Variants in CBX1 observed in about 807,000 individuals in gnomAD.
CBX1 encodes chromobox protein homolog 1.
CBX1 carries 10 observed loss-of-function variants against 25.1 expected under a neutral mutation model. The observed-to-expected ratio is 0.40, with a 90% CI of 0.25 to 0.68. The LOEUF (loss-of-function observed/expected upper bound fraction) is 0.68, where lower values mean the gene tolerates loss of function less well. CBX1 is among the 30% of genes least tolerant of loss of function. CBX1 has a pLI of 0.40. For synonymous variants in CBX1, 63 were observed against 79.4 expected, an observed-to-expected ratio of 0.79 and a Z score of 1.10; for missense variants, 106 against 218.5, an observed-to-expected ratio of 0.49 and a Z score of 3.25.
intron 1 of CBX1, 122 bp from the exon 2 acceptor site, chr17:48,077,163 T>C (rs1408067761): frequency 2.8e-6 from 2 of 707,788 alleles, no homozygotes; most frequent in African/African-American, 1.8e-5. Context: ...TTATAGTAAG[T>C]GTTAGGCTTC....
At position 48,098,835 on chromosome 17, in the gene CBX1, A is replaced by T. The variant is rs540548279; in HGVS notation, c.-38+2433T>A. On this transcript the variant is annotated intron_variant, in intron 1 of 4. Coordinates refer to ENST00000225603, the MANE Select transcript of CBX1 (RefSeq NM_001127228.2). ...ACCACTGCAGATAGGATTTTTTTTT[A>T]AAAAAGGGAGGTTTTGCTAGATAAA... 3.5e-3 allele frequency among the ~76,000 whole-genome samples: 530 copies of T among 152,156 alleles called. 6 individuals are homozygous for T. The highest frequency in any genetic ancestry group is 0.012 in the African/African-American group (488 of 41,534).
At chr17:48,093,683 T>A (rs956250130) in intron 1 of CBX1, among the ~76,000 whole-genome samples, 2 of 152,236 alleles carry the variant, frequency 1.3e-5, no homozygotes, top group Non-Finnish European at 2.9e-5. Context: ...GTAACACTTA[T>A]ATTCTTCGGT....
rs555176585 is a variant in CBX1, at chr17:48,090,820, A to G, written c.-38+10448T>C. Among the ~76,000 whole-genome samples the G allele has an allele frequency of 1.3e-4, 20 of 152,354 alleles. 1 individual carries two copies. The highest frequency in any genetic ancestry group is 4.6e-4 in the African/African-American group (19 of 41,588). On this transcript the variant is annotated intron_variant, in intron 1 of 4. Transcript: ENST00000225603. ...ACATGCTCCTATTGTATTCATTCAC[A>G]TAACAATTATCTACTGGGCACCTAT... is the stretch of plus-strand genomic sequence containing the variant.
intron 1 of CBX1, among the ~76,000 whole-genome samples, chr17:48,090,144 T>A (rs963788731): frequency 2.0e-5 from 3 of 151,922 alleles, no homozygotes; most frequent in African/African-American, 7.2e-5. Context: ...CCTCATGATC[T>A]GCCCACCTCA....
chr17:48,089,990 G>A (rs199714347), intron 1 of CBX1, among the ~76,000 whole-genome samples: 4 of 150,548 alleles, frequency 2.7e-5, no homozygotes, highest in Non-Finnish European at 4.4e-5. Flanking sequence ...GCATGATCTC[G>A]GCTCACTGCA....
At chr17:48,090,600 T>C (rs1423925422) in intron 1 of CBX1, among the ~76,000 whole-genome samples, 2 of 152,222 alleles carry the variant, frequency 1.3e-5, no homozygotes, top group Non-Finnish European at 2.9e-5. Context: ...CACTAGCCAG[T>C]GATTTCAAAA....
rs992755281 is a variant in CBX1, at chr17:48,097,417, C to T, written c.-38+3851G>A. ...ATCACCCGAGGTCAGGAGTTCAACA[C>T]CAGCCTGGCCAACATGGCAAGACCC... On this transcript the variant is annotated intron_variant, in intron 1 of 4. Coordinates refer to ENST00000225603, the MANE Select transcript of CBX1 (RefSeq NM_001127228.2). Among the ~76,000 whole-genome samples, 20 of 152,090 alleles carry T rather than the reference C, an allele frequency of 1.3e-4. 1 individual carries two copies. The highest frequency in any genetic ancestry group is 4.6e-4 in the African/African-American group (19 of 41,488).
intron 1 of CBX1, among the ~76,000 whole-genome samples, chr17:48,085,792 G>A (rs769099661): frequency 1.1e-4 from 16 of 152,140 alleles, no homozygotes; most frequent in East Asian, 1.9e-4. Flanking sequence ...CAGGCCAGGC[G>A]CGGTGGCTCA....
intron 1 of CBX1, among the ~76,000 whole-genome samples, chr17:48,098,260 A>C (rs200615631): frequency 3.3e-5 from 5 of 150,610 alleles, no homozygotes; most frequent in East Asian, 2.0e-4. Flanking sequence ...AAAAAAACAA[A>C]AAACAAACAA....
At chr17:48,077,518 G>C (rs1273572514) in intron 1 of CBX1, among the ~76,000 whole-genome samples, 2 of 144,288 alleles carry the variant, frequency 1.4e-5, no homozygotes, top group African/African-American at 5.3e-5. Flanking sequence ...TCGAACTCCT[G>C]ACCTCAGGTG....
chr17:48,078,220 G>A (rs2037696431), intron 1 of CBX1, among the ~76,000 whole-genome samples: 1 of 150,778 alleles, frequency 6.6e-6, no homozygotes, highest in Non-Finnish European at 1.5e-5. Flanking sequence ...TTGAGATGGA[G>A]TCTTGCTCTG....
intron 1 of CBX1, chr17:48,100,659 C>G (rs2063403818): frequency 1.1e-6 from 1 of 900,922 alleles, no homozygotes; most frequent in Non-Finnish European, 1.3e-6. Flanking sequence ...AACAGCTCCT[C>G]CCCTTCCAGA....
intron 1 of CBX1, among the ~76,000 whole-genome samples, chr17:48,087,606 G>T (rs2063319849): frequency 6.6e-6 from 1 of 152,014 alleles, no homozygotes; most frequent in Admixed American, 6.6e-5. Context: ...GGGCGCAGTG[G>T]CTCATGCCTG....
intron 1 of CBX1, among the ~76,000 whole-genome samples, chr17:48,084,879 C>T (rs963656308): frequency 6.0e-5 from 9 of 151,134 alleles, no homozygotes; most frequent in African/African-American, 2.2e-4. Flanking sequence ...CACTGCACTC[C>T]AGCCTGGGCG....
At chr17:48,077,430 GTT>G (rs2037685356) in intron 1 of CBX1, among the ~76,000 whole-genome samples, 1 of 56,456 alleles carries the variant, frequency 1.8e-5, no homozygotes, top group African/African-American at 1.0e-4. Flanking sequence ...GCTAATTTTT[GTT>G]GTTTTTTTTT....
chr17:48,091,750 CCAGGCTGGTCT>C (rs1302500899), intron 1 of CBX1, among the ~76,000 whole-genome samples: 1 of 151,410 alleles, frequency 6.6e-6, no homozygotes, highest in Non-Finnish European at 1.5e-5. Flanking sequence ...ACCATGTTGG[CCAGGCTGGTCT>C]CAAACTCCTG....
chr17:48,097,607 ACT>A (rs1381247358), intron 1 of CBX1, among the ~76,000 whole-genome samples: 4 of 147,980 alleles, frequency 2.7e-5, no homozygotes, highest in Admixed American at 1.4e-4. Context: ...ACAGAGCGAG[ACT>A]CTGTCTCAAA....
At chr17:48,084,467 C>A (rs570589761) in intron 1 of CBX1, among the ~76,000 whole-genome samples, 1 of 148,366 alleles carries the variant, frequency 6.7e-6, no homozygotes, top group East Asian at 2.0e-4. Context: ...CCTCAGCCTC[C>A]CAAAGTGCTG....
chr17:48,085,863 T>G (rs562850219), intron 1 of CBX1, among the ~76,000 whole-genome samples: 1 of 151,920 alleles, frequency 6.6e-6, no homozygotes, highest in South Asian at 2.1e-4. Context: ...GGTCAGGAGT[T>G]CAAGAAAAAC....
Sources: gnomAD v4.1 joint callset for allele counts (sites outside exome capture counted in the v4.1 genomes callset) on GRCh38, gnomAD v4.1.1 for gene constraint, MANE v1.5 for transcripts, NCBI Gene and HGNC (gene_info 2026-07-23, HGNC 2026-07-21) for gene names.